Variants in PBX1 observed in about 807,000 individuals in gnomAD.
The protein encoded by PBX1 is pre-B-cell leukemia transcription factor 1.
In PBX1, 6 loss-of-function variants were observed where a neutral mutation model predicts 53.4. The ratio of observed to expected loss-of-function variants is 0.11; its 90% CI spans 0.06 to 0.22. PBX1 has a LOEUF of 0.22. Among genes scored for constraint, PBX1 ranks in the 10% least tolerant of loss-of-function variants. PBX1 has a pLI of 1.00. For synonymous variants in PBX1, 204 were observed against 212.3 expected (o/e 0.96, Z 0.34); for missense variants, 251 against 551.4 (o/e 0.46, Z 5.46).
intron 2 of PBX1, among the ~76,000 whole-genome samples, chr1:164,667,648 G>C (rs1249022068): frequency 6.6e-6 from 1 of 151,996 alleles, no homozygotes; most frequent in Non-Finnish European, 1.5e-5. Flanking sequence ...TAATATTCTT[G>C]GTTTCACCTA....
At chr1:164,730,526 G>A (rs1167989066) in intron 2 of PBX1, among the ~76,000 whole-genome samples, 4 of 152,060 alleles carry the variant, frequency 2.6e-5, no homozygotes, top group Non-Finnish European at 4.4e-5. Flanking sequence ...CTACCCTTTC[G>A]TCACAAGCCC....
chr1:164,660,832 T>G (rs773637765), intron 2 of PBX1, among the ~76,000 whole-genome samples: 1 of 152,232 alleles, frequency 6.6e-6, no homozygotes, highest in Non-Finnish European at 1.5e-5. Flanking sequence ...TGCCTACAAA[T>G]AACATATCAG....
chr1:164,702,443 G>A (rs1414622739), intron 2 of PBX1, among the ~76,000 whole-genome samples: 2 of 152,062 alleles, frequency 1.3e-5, no homozygotes, highest in Non-Finnish European at 2.9e-5. Context: ...ACATCATTTG[G>A]CATTTACCCT....
At chr1:164,723,043 T>A (rs1183535079) in intron 2 of PBX1, among the ~76,000 whole-genome samples, 2 of 152,118 alleles carry the variant, frequency 1.3e-5, no homozygotes, top group East Asian at 3.9e-4. Flanking sequence ...GAAAGGAGCT[T>A]TAGAGATTAG....
chr1:164,610,753 C>T (rs943607544), intron 2 of PBX1, among the ~76,000 whole-genome samples: 1 of 152,188 alleles, frequency 6.6e-6, no homozygotes, highest in African/African-American at 2.4e-5. Flanking sequence ...ATGTGCTTGG[C>T]CCTCCTGCCA....
At chr1:164,817,727 C>T (rs993490436) in intron 6 of PBX1, 2 of 152,238 alleles carry the variant, frequency 1.3e-5, no homozygotes, top group Non-Finnish European at 2.9e-5. Context: ...TTAAATGACA[C>T]ATTCCATGCC....
chr1:164,818,656 G>A (rs1227643609), intron 6 of PBX1: 1 of 149,796 alleles, frequency 6.7e-6, no homozygotes, highest in African/African-American at 2.5e-5. Flanking sequence ...TTAATGTTGA[G>A]TTGTCCCCAG....
chr1:164,801,894 C>G (rs1178888631), intron 4 of PBX1, among the ~76,000 whole-genome samples: 1 of 152,214 alleles, frequency 6.6e-6, no homozygotes, highest in African/African-American at 2.4e-5. Context: ...AAACAAATGT[C>G]TGCCAGACAT....
chr1:164,640,545 G>GTTTT (rs751957824), intron 2 of PBX1, among the ~76,000 whole-genome samples: 1 of 115,276 alleles, frequency 8.7e-6, no homozygotes, highest in African/African-American at 3.1e-5. Flanking sequence ...GTTTTTTGGT[G>GTTTT]TTTTTTTTTT....
At chr1:164,845,255 T>A (rs1351506733) in intron 8 of PBX1, among the ~76,000 whole-genome samples, 2 of 152,196 alleles carry the variant, frequency 1.3e-5, no homozygotes, top group Non-Finnish European at 2.9e-5. Flanking sequence ...TCTCAAGGCC[T>A]GTGTTCTCAG....
intron 2 of PBX1, among the ~76,000 whole-genome samples, chr1:164,761,616 T>G (rs55888763): frequency 1.2e-3 from 179 of 152,276 alleles, no homozygotes; most frequent in African/African-American, 4.0e-3. Flanking sequence ...GGCTAATTTT[T>G]GTATTTTTAG....
intron 8 of PBX1, among the ~76,000 whole-genome samples, chr1:164,827,557 C>A (rs541893677): frequency 6.6e-6 from 1 of 152,282 alleles, no homozygotes; most frequent in African/African-American, 2.4e-5. Context: ...TCCTTCATGA[C>A]AAAACTATTG....
In PBX1 at chr1:164,643,475, AC is replaced by A. The variant is rs373981506; in HGVS notation, c.265+80166del. ...CACTTTCTAGCCAGTCCACACAAGA[AC>A]CAGATATGTGGCATACTGCAGATAG... On this transcript the variant is annotated intron_variant, in intron 2 of 8. Coordinates refer to ENST00000420696, the MANE Select transcript of PBX1 (RefSeq NM_002585.4). 8.3e-4 allele frequency among the ~76,000 whole-genome samples: 126 copies of A among 152,244 alleles called. 3 individuals carry two copies. In the South Asian group the frequency reaches 0.018, roughly 22 times the overall value.
chr1:164,617,514 A>G (rs1657358836), intron 2 of PBX1, among the ~76,000 whole-genome samples: 1 of 152,194 alleles, frequency 6.6e-6, no homozygotes, highest in Non-Finnish European at 1.5e-5. Flanking sequence ...GTATGTGAGG[A>G]AGCGTTGTAT....
chr1:164,785,613 G>A (rs1345677863), intron 2 of PBX1, among the ~76,000 whole-genome samples: 3 of 152,182 alleles, frequency 2.0e-5, no homozygotes, highest in Non-Finnish European at 2.9e-5. Flanking sequence ...TCCTGTGTCC[G>A]AGGGACTGGA....
intron 2 of PBX1, among the ~76,000 whole-genome samples, chr1:164,870,249 CCTTCCTTCCTTCCT>C (rs1672323691): frequency 1.6e-5 from 1 of 63,220 alleles, no homozygotes; most frequent in African/African-American, 6.7e-5. Context: ...TTCCTTCCTT[CCTTCCTTCCTTCCT>C]TCCTTCTTTC....
chr1:164,600,246 C>CTTTTTTTTTTTTTTTTTTTTTTTTTTTT (rs71097539), intron 2 of PBX1, among the ~76,000 whole-genome samples: 1 of 121,818 alleles, frequency 8.2e-6, no homozygotes. Context: ...TATGCTGCTG[C>CTTTTTTTTTTTTTTTTTTTTTTTTTTTT]TTTTTTTTTT....
intron 2 of PBX1, among the ~76,000 whole-genome samples, chr1:164,654,554 G>C (rs962400524): frequency 2.0e-5 from 3 of 152,176 alleles, no homozygotes; most frequent in Non-Finnish European, 4.4e-5. Flanking sequence ...AGAAATACTG[G>C]AATTTAAATT....
At chr1:164,800,872 C>T (rs1669034987) in intron 4 of PBX1, among the ~76,000 whole-genome samples, 1 of 152,056 alleles carries the variant, frequency 6.6e-6, no homozygotes, top group Non-Finnish European at 1.5e-5. Context: ...GGTCAGTGTA[C>T]CATTTCACAG....
Sources: allele counts gnomAD v4.1 joint callset (sites outside exome capture counted in the v4.1 genomes callset), GRCh38; gene constraint gnomAD v4.1.1; transcripts MANE v1.5; gene names NCBI Gene and HGNC (gene_info 2026-07-23, HGNC 2026-07-21).